Variants in CEP135 observed in about 807,000 individuals in gnomAD.
CEP135 encodes the protein centrosomal protein 135.
CEP135 carries 142 observed loss-of-function variants against 157.3 expected under a neutral mutation model. That is an observed-to-expected ratio of 0.90 (90% confidence interval 0.79 to 1.04). CEP135 has a LOEUF of 1.04. Among genes scored for constraint, CEP135 ranks in the 50% least tolerant of loss-of-function variants. The pLI is 0.00. For missense variants in CEP135, 1,317 were observed against 1,309.2 expected, an observed-to-expected ratio of 1.01 and a Z score of -0.09; for synonymous variants, 396 against 439.8, an observed-to-expected ratio of 0.90 and a Z score of 1.25.
At position 55,989,349 on chromosome 4, in the gene CEP135, T is replaced by G. The variant is rs146679339; in HGVS notation, c.1858-2585T>G. 2.6e-3 allele frequency among the ~76,000 whole-genome samples: 403 copies of G among 152,342 alleles called. 7 individuals are homozygous for G. The East Asian group carries it at 0.036, about 14-fold the overall frequency. The stretch of plus-strand genomic sequence containing the variant: ...ACATTTTATACCCAATTATTTTAAT[T>G]TTCATAACAGTCATATAAAGTAAAT... On this transcript the variant is annotated intron_variant, in intron 14 of 25. Coordinates refer to ENST00000257287, the MANE Select transcript of CEP135 (RefSeq NM_025009.5).
At chr4:56,025,186 G>A (rs1731115143) in intron 25 of CEP135, among the ~76,000 whole-genome samples, 1 of 152,132 alleles carries the variant, frequency 6.6e-6, no homozygotes, top group South Asian at 2.1e-4. Flanking sequence ...TCACTATCTT[G>A]CCTGGGCTGG....
At chr4:55,975,055 T>G in intron 11 of CEP135, 86 bp downstream of exon 11, 1 of 976,208 alleles carries the variant, frequency 1.0e-6, no homozygotes, top group African/African-American at 1.7e-5. Flanking sequence ...GTAACTTTAT[T>G]CGTACTTGCT....
At chr4:55,949,321 C>T (rs998827009) in intron 1 of CEP135, among the ~76,000 whole-genome samples, 1 of 152,116 alleles carries the variant, frequency 6.6e-6, no homozygotes, top group Admixed American at 6.5e-5. Context: ...TGGGCCGACT[C>T]GTCAAGGAGC....
chr4:55,979,192 G>A (rs545738407), intron 11 of CEP135, among the ~76,000 whole-genome samples: 1 of 151,928 alleles, frequency 6.6e-6, no homozygotes, highest in Non-Finnish European at 1.5e-5. Context: ...TTTAGTGCTT[G>A]TAACATTAAG....
chr4:56,020,690 G>C lies in CEP135; in HGVS notation c.3230G>C (p.Arg1077Pro). ...LSESKLTSQS[R>P]ENTMLRAKVA... ...TTGTTTTTAAGAACTAGTCAAAGCC[G>C]GGAAAACACCATGCTTCGAGCTAAA... The change falls in exon 24 of 26, where the codon CGG (arginine) becomes CCG (proline). Residue 1077 changes from arginine (R) to proline (P), a missense_variant. Coordinates refer to ENST00000257287, the MANE Select transcript of CEP135 (RefSeq NM_025009.5). 1 of 1,613,286 alleles carries C rather than the reference G, an allele frequency of 6.2e-7. No homozygotes were observed. Among genetic ancestry groups the C allele is most frequent in the Non-Finnish European group, 8.5e-7 (1 of 1,179,576 alleles).
At chr4:55,952,953 A>G (rs995062561) in intron 2 of CEP135, 132 bp from the exon 3 acceptor site, 2 of 687,790 alleles carry the variant, frequency 2.9e-6, no homozygotes, top group East Asian at 3.2e-5. Flanking sequence ...TCCTTCCTAT[A>G]TGTGGTCTGT....
At chr4:55,969,486 T>C (rs1396303543) in intron 9 of CEP135, among the ~76,000 whole-genome samples, 2 of 151,600 alleles carry the variant, frequency 1.3e-5, no homozygotes, top group African/African-American at 4.8e-5. Flanking sequence ...ATTGCTCAGC[T>C]CCTGACAACC....
rs772177312 is a variant in CEP135, at chr4:55,957,259, G to A, written c.509G>A (p.Arg170His). The change falls in exon 5 of 26, where the codon CGT becomes CAT. Residue 170 changes from arginine to histidine, a missense_variant. By Grantham distance (29) the Arg-to-His change is conservative (BLOSUM62 0). Transcript: ENST00000257287. ...AGAAGTATTGCTTTCAGGCGCCAGC[G>A]TATGCAAATTGATGAACCGGTTCCT... ...KKRSIAFRRQRMQIDEPVPPS... is the reference protein window; with the variant it reads ...KKRSIAFRRQHMQIDEPVPPS... 25 of 1,613,962 alleles carry A rather than the reference G, an allele frequency of 1.5e-5. No individual in the cohort carries two copies. Among genetic ancestry groups the A allele is most frequent in the Admixed American group, 6.7e-5 (4 of 59,992 alleles).
Position 55,953,109 on chromosome 4 carries a change from C to G in CEP135, c.138C>G (p.Ser46Arg), listed in dbSNP as rs775776615. Residue 46 changes from serine to arginine, a missense_variant, in exon 3 of 26, where the codon AGC (serine) becomes AGG (arginine). By Grantham distance (110) the Ser-to-Arg change is moderately radical. Transcript: ENST00000257287. The part of the protein sequence containing the change: ...LFSDLVHTTE[S>R]LRQSKLSAVK... Reference sequence around the variant, plus strand: ...GCGACTTAGTTCATACAACTGAGAGCCTTCGGCAATCAAAATTATCTGCTG... The same window carrying G: ...GCGACTTAGTTCATACAACTGAGAGGCTTCGGCAATCAAAATTATCTGCTG... 6.3e-7 allele frequency: 1 copy of G among 1,591,542 alleles called. No homozygotes were observed. The highest frequency in any genetic ancestry group is 1.2e-5 in the South Asian group (1 of 86,248).
chr4:55,968,818 T>G (rs1358031178), intron 8 of CEP135, among the ~76,000 whole-genome samples: 1 of 152,154 alleles, frequency 6.6e-6, no homozygotes, highest in Non-Finnish European at 1.5e-5. Context: ...CCAAGGAAGA[T>G]CCTACAAGAT....
intron 21 of CEP135, 96 bp downstream of exon 21, chr4:56,012,081 G>A (rs2109734902): frequency 1.2e-6 from 1 of 823,172 alleles, no homozygotes; most frequent in South Asian, 3.5e-5. Context: ...TTTTTGAGAT[G>A]AAGTCTGACT....
At chr4:55,993,223 G>C (rs1729853822) in intron 15 of CEP135, among the ~76,000 whole-genome samples, 1 of 152,070 alleles carries the variant, frequency 6.6e-6, no homozygotes, top group Non-Finnish European at 1.5e-5. Flanking sequence ...AAAAGTAAAT[G>C]ATGAGAAAAA....
intron 4 of CEP135, among the ~76,000 whole-genome samples, chr4:55,955,080 CAA>C (rs759418479): frequency 1.3e-4 from 16 of 121,374 alleles, no homozygotes; most frequent in East Asian, 2.4e-4. Context: ...GACCCTGTCT[CAA>C]AAAAAAAAAA....
chr4:55,965,791 G>T lies in CEP135; in HGVS notation c.976G>T (p.Ala326Ser), dbSNP rs1167520031. ...CQELTEIDQL[A>S]QQLERHKEEV... ...AGAATTAACTGAAATAGATCAGTTA[G>T]CACAGCAGTTGGAAAGACATAAAGA... Residue 326 changes from alanine (A) to serine (S), a missense_variant, in exon 8 of 26, where the codon GCA (alanine) becomes TCA (serine). Physicochemically the swap from Ala to Ser is moderately conservative, Grantham distance 99. Coordinates refer to ENST00000257287, the MANE Select transcript of CEP135 (RefSeq NM_025009.5). 2 of 1,613,806 alleles carry T rather than the reference G, an allele frequency of 1.2e-6. No homozygotes were observed. Among genetic ancestry groups the T allele is most frequent in the Non-Finnish European group, 1.7e-6 (2 of 1,179,816 alleles).
rs1728933706 is a variant in CEP135, at chr4:55,969,114, G to A, written c.1096G>A (p.Ala366Thr). ...SEMQDLEETM[A>T]KLQLELNLCQ... is the part of the protein sequence containing the mutation. ...AATGCAGGATCTTGAAGAAACAATGGCAAAACTTCAGCTGGTAAGTTGATG... is the reference window on the plus strand; with the variant it reads ...AATGCAGGATCTTGAAGAAACAATGACAAAACTTCAGCTGGTAAGTTGATG... Residue 366 changes from alanine (A) to threonine (T), a missense_variant, in exon 9 of 26, where the codon GCA becomes ACA. By Grantham distance (58) the Ala-to-Thr change is moderately conservative (BLOSUM62 0). Transcript: ENST00000257287. 4 of 1,612,406 alleles carry A rather than the reference G, an allele frequency of 2.5e-6. No individual in the cohort carries two copies. The highest frequency in any genetic ancestry group is 3.4e-6 in the Non-Finnish European group (4 of 1,179,456).
intron 17 of CEP135, 44 bp from the exon 18 acceptor site, chr4:56,008,283 G>A: frequency 7.2e-7 from 1 of 1,386,966 alleles, no homozygotes; most frequent in Non-Finnish European, 1.0e-6. Flanking sequence ...TTTAGCTAAA[G>A]ACATTTTGGT....
rs1730100938 is a variant in CEP135, at chr4:55,999,794, G to A, written c.2280+149G>A. The A allele has an allele frequency of 4.2e-6, 3 of 716,352 alleles. No individual in the cohort carries two copies. The South Asian group carries it at 6.7e-5, about 16-fold the overall frequency. The allele number at this position is 716,352 out of a possible 1,614,324, so 44.4% of individuals were successfully genotyped here. On this transcript the variant is annotated intron_variant, in intron 17 of 25. Coordinates refer to ENST00000257287, the MANE Select transcript of CEP135 (RefSeq NM_025009.5). Reference sequence around the variant, plus strand: ...TGCAACCCCTATCTCTTGGGCTCAAGGAATCCCCCAACCTCAGCAATTGGA... The same window carrying A: ...TGCAACCCCTATCTCTTGGGCTCAAAGAATCCCCCAACCTCAGCAATTGGA...
At chr4:56,011,375 G>A (rs1730575525) in intron 19 of CEP135, 37 bp from the exon 20 acceptor site, 1 of 1,346,700 alleles carries the variant, frequency 7.4e-7, no homozygotes, top group Non-Finnish European at 1.0e-6. Context: ...TTGGTGTTGT[G>A]TTCATTTTAG....
At chr4:55,998,593 G>A (rs1730056364) in intron 15 of CEP135, among the ~76,000 whole-genome samples, 1 of 152,164 alleles carries the variant, frequency 6.6e-6, no homozygotes, top group Non-Finnish European at 1.5e-5. Context: ...GGCTGGGAAT[G>A]GTGGCTCACA....
Sources: gnomAD v4.1 joint callset for allele counts (sites outside exome capture counted in the v4.1 genomes callset) on GRCh38, gnomAD v4.1.1 for gene constraint, MANE v1.5 for transcripts, NCBI Gene and HGNC (gene_info 2026-07-23, HGNC 2026-07-21) for gene names.